CTNNAL1: variants seen among roughly 807,000 people sequenced by gnomAD.
The protein encoded by CTNNAL1 is catenin alpha like 1, also known as alpha-catulin.
Under a neutral mutation model 93.6 loss-of-function variants are expected in CTNNAL1, and 69 were observed. The ratio of observed to expected loss-of-function variants is 0.74; its 90% CI spans 0.61 to 0.90. CTNNAL1 has a LOEUF of 0.90. CTNNAL1 is among the 40% of genes least tolerant of loss of function. CTNNAL1 has a pLI of 0.00. For missense variants in CTNNAL1, 836 were observed against 862.0 expected, an observed-to-expected ratio of 0.97 and a Z score of 0.38; for synonymous variants, 286 against 305.4, an observed-to-expected ratio of 0.94 and a Z score of 0.66.
intron 11 of CTNNAL1, among the ~76,000 whole-genome samples, chr9:108,961,688 T>C (rs189879113): frequency 6.6e-6 from 1 of 152,292 alleles, no homozygotes; most frequent in East Asian, 1.9e-4. Flanking sequence ...AAAACAGGCA[T>C]AGGATGTGCA....
intron 8 of CTNNAL1, among the ~76,000 whole-genome samples, chr9:108,973,693 T>G (rs1459310810): frequency 1.3e-5 from 2 of 151,984 alleles, no homozygotes; most frequent in Non-Finnish European, 2.9e-5. Context: ...TTTTTTTTTT[T>G]TTAATGATGT....
chr9:108,984,787 A>G (rs1451414740), intron 4 of CTNNAL1, among the ~76,000 whole-genome samples: 1 of 152,194 alleles, frequency 6.6e-6, no homozygotes, highest in Non-Finnish European at 1.5e-5. Flanking sequence ...TGTCTTACCT[A>G]ATTAAAAGTA....
chr9:108,953,600 C>T (rs7023228), intron 12 of CTNNAL1, among the ~76,000 whole-genome samples: 7,940 of 152,282 alleles, frequency 0.052, 316 homozygotes, highest in South Asian at 0.13. Flanking sequence ...TCTTCTCATA[C>T]ATATATTTTT....
chr9:108,968,613 G>C (rs1242139029), intron 10 of CTNNAL1, among the ~76,000 whole-genome samples: 1 of 152,202 alleles, frequency 6.6e-6, no homozygotes, highest in Admixed American at 6.5e-5. Context: ...CAGATCCCTT[G>C]GTTGTAATAA....
At chr9:108,963,322 G>T (rs1408168824) in intron 11 of CTNNAL1, among the ~76,000 whole-genome samples, 1 of 152,220 alleles carries the variant, frequency 6.6e-6, no homozygotes, top group Admixed American at 6.5e-5. Flanking sequence ...ACACAAAGAG[G>T]AAGGGGGCTC....
chr9:108,972,595 C>T (rs1364259554), intron 9 of CTNNAL1, 80 bp downstream of exon 9: 15 of 1,230,154 alleles, frequency 1.2e-5, no homozygotes, highest in Admixed American at 8.4e-5. Context: ...TAACCCAAAA[C>T]TGTATTTGTG....
chr9:108,962,052 G>A (rs202079189), intron 11 of CTNNAL1, among the ~76,000 whole-genome samples: 2 of 152,288 alleles, frequency 1.3e-5, no homozygotes, highest in East Asian at 3.9e-4. Flanking sequence ...AGTATGGGTA[G>A]TTAATAAAAT....
At chr9:108,968,303 T>C (rs1364234914) in intron 10 of CTNNAL1, among the ~76,000 whole-genome samples, 1 of 152,216 alleles carries the variant, frequency 6.6e-6, no homozygotes, top group Non-Finnish European at 1.5e-5. Context: ...TGGCAAAGAC[T>C]AGGAGTGGAA....
At chr9:108,991,493 T>G (rs964871368) in intron 3 of CTNNAL1, among the ~76,000 whole-genome samples, 10 of 152,170 alleles carry the variant, frequency 6.6e-5, no homozygotes, top group Non-Finnish European at 1.2e-4. Flanking sequence ...TCAAATACTT[T>G]TCTTTAAAAT....
Position 108,971,949 on chromosome 9 carries a change from C to T in CTNNAL1, c.1347+726G>A, listed in dbSNP as rs567289639. Among the ~76,000 whole-genome samples the T allele has an allele frequency of 1.3e-3, 200 of 152,312 alleles. 2 individuals are homozygous for T. Among genetic ancestry groups the T allele is most frequent in the African/African-American group, 4.4e-3 (182 of 41,564 alleles). On this transcript the variant is annotated intron_variant, in intron 9 of 18. Coordinates refer to ENST00000325551, the MANE Select transcript of CTNNAL1 (RefSeq NM_003798.4). ...CCTTAACTGCTCTCCTCCCTTCTCA[C>T]ATCTGCCTTTTGCCCTGGGAGACTG... is the stretch of plus-strand genomic sequence containing the variant.
chr9:108,943,563 TAATA>T lies in CTNNAL1; in HGVS notation c.2055+136_2055+139del, dbSNP rs1830310142. ...CTCTGGGGTCAGTTATGAGAGTAGATAATAAATGATTCTTGTAGACAAGGCATGA... is the reference window on the plus strand; with the variant it reads ...CTCTGGGGTCAGTTATGAGAGTAGATAATGATTCTTGTAGACAAGGCATGA... On this transcript the variant is annotated intron_variant, in intron 17 of 18. Transcript: ENST00000325551. The T allele has an allele frequency of 5.9e-6, 4 of 681,322 alleles. No individual in the cohort carries two copies. In the East Asian group the frequency reaches 1.1e-4, roughly 19 times the overall value. The allele number at this position is 681,322 out of a possible 1,614,324, so 42.2% of individuals were successfully genotyped here. A position where few individuals can be genotyped will look rare whatever the true frequency, so the allele number is the denominator to read the frequency against.
At chr9:108,946,335 G>A (rs1830404091) in intron 15 of CTNNAL1, among the ~76,000 whole-genome samples, 2 of 148,578 alleles carry the variant, frequency 1.3e-5, no homozygotes, top group African/African-American at 4.9e-5. Flanking sequence ...ATGGCCTACA[G>A]AGACATCATA....
At chr9:109,004,873 A>C (rs1197247245) in intron 1 of CTNNAL1, among the ~76,000 whole-genome samples, 3 of 152,304 alleles carry the variant, frequency 2.0e-5, no homozygotes, top group Admixed American at 2.0e-4. Context: ...TAAACAGTTT[A>C]TTGTAAGTGT....
chr9:108,992,199 C>G (rs1831835638), intron 3 of CTNNAL1: 1 of 574,560 alleles, frequency 1.7e-6, no homozygotes, highest in Non-Finnish European at 3.1e-6. Context: ...TACCAATAAG[C>G]CTTAACAAGT....
intron 1 of CTNNAL1, among the ~76,000 whole-genome samples, chr9:109,010,084 G>A (rs932963770): frequency 4.6e-5 from 7 of 152,000 alleles, no homozygotes; most frequent in East Asian, 1.9e-4. Context: ...GCACAGTGGC[G>A]TGATCACAGC....
intron 11 of CTNNAL1, among the ~76,000 whole-genome samples, chr9:108,957,721 A>G (rs1486305833): frequency 6.6e-6 from 1 of 152,156 alleles, no homozygotes; most frequent in Non-Finnish European, 1.5e-5. Flanking sequence ...TCTTCCGGTC[A>G]CTCAGAATTT....
At chr9:108,949,193 G>T (rs1033832861) in intron 14 of CTNNAL1, among the ~76,000 whole-genome samples, 9 of 152,076 alleles carry the variant, frequency 5.9e-5, no homozygotes, top group Non-Finnish European at 7.4e-5. Flanking sequence ...ATCTATTACA[G>T]AAAAATCCAT....
At chr9:108,978,082 C>T (rs1270585193) in intron 7 of CTNNAL1, among the ~76,000 whole-genome samples, 3 of 152,178 alleles carry the variant, frequency 2.0e-5, no homozygotes, top group South Asian at 2.1e-4. Context: ...GTGACATTTG[C>T]TAATTGCAAA....
At chr9:108,970,298 T>G in intron 10 of CTNNAL1, 104 bp downstream of exon 10, 8 of 949,982 alleles carry the variant, frequency 8.4e-6, no homozygotes, top group Non-Finnish European at 1.2e-5. Flanking sequence ...CTATGTATAT[T>G]TGGACTCTAG....
Sources: gnomAD v4.1 joint callset for allele counts (sites outside exome capture counted in the v4.1 genomes callset) on GRCh38, gnomAD v4.1.1 for gene constraint, MANE v1.5 for transcripts, NCBI Gene and HGNC (gene_info 2026-07-23, HGNC 2026-07-21) for gene names.